The following PUM2 variants were observed in gnomAD, a reference collection of about 807,000 sequenced individuals.
The protein encoded by PUM2 is pumilio RNA binding family member 2.
A neutral mutation model predicts 124.5 loss-of-function variants in PUM2; 57 were observed. The ratio of observed to expected loss-of-function variants is 0.46; its 90% CI spans 0.37 to 0.57. The LOEUF is 0.57. PUM2 is among the 20% of genes least tolerant of loss of function. The probability of loss-of-function intolerance (pLI) is 0.00; values close to 1 mark genes in which losing one functional copy is unlikely to be tolerated. For missense variants in PUM2, 1,065 were observed against 1,290.6 expected, an observed-to-expected ratio of 0.83 and a Z score of 2.68; for synonymous variants, 460 against 446.1, an observed-to-expected ratio of 1.03 and a Z score of -0.39.
At chr2:20,264,559 C>G (rs979825651) in intron 13 of PUM2, among the ~76,000 whole-genome samples, 1 of 150,986 alleles carries the variant, frequency 6.6e-6, no homozygotes, top group Non-Finnish European at 1.5e-5. Context: ...TAAATACATG[C>G]AGGAAATTTT....
intron 9 of PUM2, among the ~76,000 whole-genome samples, chr2:20,293,936 T>C (rs1289557562): frequency 6.6e-6 from 1 of 152,094 alleles, no homozygotes; most frequent in Non-Finnish European, 1.5e-5. Flanking sequence ...AAATTAAAGC[T>C]AACCTTTAGT....
chr2:20,287,255 A>T (rs1384527937), intron 10 of PUM2, among the ~76,000 whole-genome samples: 1 of 152,178 alleles, frequency 6.6e-6, no homozygotes, highest in African/African-American at 2.4e-5. Flanking sequence ...TAAACCACAA[A>T]TAGCTAAATG....
At chr2:20,263,114 A>C in intron 14 of PUM2, 79 bp downstream of exon 14, 1 of 1,398,372 alleles carries the variant, frequency 7.2e-7, no homozygotes, top group South Asian at 1.4e-5. Flanking sequence ...ATGCAGACTA[A>C]AGTCCAGAAA....
intron 9 of PUM2, 67 bp downstream of exon 9, chr2:20,294,309 C>A: frequency 6.4e-7 from 1 of 1,555,900 alleles, no homozygotes; most frequent in South Asian, 1.2e-5. Context: ...AAACACAAAT[C>A]TTAAACATTA....
rs538617563 is a variant in PUM2 at position 20,249,127 on chromosome 2, G to C, written c.*2458C>G. The C allele has an allele frequency of 6.6e-6, 1 of 152,174 alleles. No homozygotes were observed. The highest frequency in any genetic ancestry group is 1.5e-5 in the Non-Finnish European group (1 of 68,052). The allele number at this position is 152,174 out of a possible 1,614,324, so 9.4% of individuals were successfully genotyped here. On this transcript the variant is annotated 3_prime_UTR_variant, in exon 21 of 21. Coordinates refer to ENST00000361078, the MANE Select transcript of PUM2 (RefSeq NM_015317.5). ...AATGAGTATCAGGACCCCAAGAAGA[G>C]GGTTTAGTTTCTCAATGTAGTATTC...
intron 13 of PUM2, among the ~76,000 whole-genome samples, chr2:20,274,974 A>AAAAAAAAAAAAAAAAAT (rs70939032): frequency 6.8e-6 from 1 of 147,934 alleles, no homozygotes; most frequent in Non-Finnish European, 1.5e-5. Context: ...AAAAAAAAAA[A>AAAAAAAAAAAAAAAAAT]GATGCTTACT....
At chr2:20,315,332 T>C (rs144323074) in intron 3 of PUM2, among the ~76,000 whole-genome samples, 137 of 152,278 alleles carry the variant, frequency 9.0e-4, no homozygotes, top group African/African-American at 3.3e-3. Flanking sequence ...GTAATGTGGT[T>C]CTGCTGAGAG....
At chr2:20,336,189 TTTTG>T (rs1003511804) in intron 1 of PUM2, among the ~76,000 whole-genome samples, 8 of 141,560 alleles carry the variant, frequency 5.7e-5, no homozygotes, top group Non-Finnish European at 1.2e-4. Context: ...TTTTTTGTTT[TTTTG>T]TTTGTTTTTT....
At chr2:20,334,980 C>T (rs1047256733) in intron 1 of PUM2, among the ~76,000 whole-genome samples, 7 of 152,144 alleles carry the variant, frequency 4.6e-5, no homozygotes, top group African/African-American at 1.7e-4. Flanking sequence ...CAAGGTCTCA[C>T]TCTATCACCG....
Position 20,283,472 on chromosome 2 carries a change from C to T in PUM2, c.1306G>A (p.Ala436Thr). The change falls in exon 11 of 21, where the codon GCT becomes ACT. Residue 436 changes from alanine to threonine, a missense_variant. Ala to Thr is a moderately conservative substitution (Grantham distance 58, BLOSUM62 0). Transcript: ENST00000361078. ...ATGMPGYQVL[A>T]PTAYYDQTGA... ...GTCTGATCATAATAGGCAGTTGGAGCTAGTACTTGATAGCCTAAATAAAAT... is the reference window on the plus strand; with the variant it reads ...GTCTGATCATAATAGGCAGTTGGAGTTAGTACTTGATAGCCTAAATAAAAT... The T allele has an allele frequency of 1.9e-6, 3 of 1,612,566 alleles. No individual in the cohort carries two copies. The highest frequency in any genetic ancestry group is 2.5e-6 in the Non-Finnish European group (3 of 1,179,238).
intron 14 of PUM2, among the ~76,000 whole-genome samples, chr2:20,262,651 AAT>A (rs1369268115): frequency 5.9e-5 from 9 of 152,226 alleles, no homozygotes; most frequent in African/African-American, 2.2e-4. Flanking sequence ...AAAGAGAGAA[AAT>A]ATCTTAAATT....
intron 7 of PUM2, among the ~76,000 whole-genome samples, chr2:20,298,333 G>A (rs1676127142): frequency 6.6e-6 from 1 of 152,180 alleles, no homozygotes; most frequent in Non-Finnish European, 1.5e-5. Flanking sequence ...ATGCTAAGTA[G>A]TTTGGATTTT....
At chr2:20,317,465 C>T (rs1229004235) in intron 3 of PUM2, among the ~76,000 whole-genome samples, 1 of 152,072 alleles carries the variant, frequency 6.6e-6, no homozygotes, top group Non-Finnish European at 1.5e-5. Context: ...AAATCAGTCA[C>T]GATCACCTAG....
At chr2:20,291,460 C>G (rs1674058001) in intron 9 of PUM2, among the ~76,000 whole-genome samples, 1 of 152,214 alleles carries the variant, frequency 6.6e-6, no homozygotes, top group Admixed American at 6.5e-5. Context: ...CGACCGACTG[C>G]ATATTCCTCT....
At chr2:20,259,807 C>T (rs1431003921) in intron 15 of PUM2, among the ~76,000 whole-genome samples, 1 of 152,134 alleles carries the variant, frequency 6.6e-6, no homozygotes, top group African/African-American at 2.4e-5. Context: ...AGTACAATTG[C>T]TGGATTGTGT....
chr2:20,327,237 TAA>T (rs879174062), intron 2 of PUM2, 71 bp downstream of exon 2: 290 of 902,630 alleles, frequency 3.2e-4, no homozygotes, highest in Middle Eastern at 4.6e-4. Flanking sequence ...GGGAGATGGT[TAA>T]AAAAAAAAAA....
At chr2:20,295,081 G>A (rs531667959) in intron 8 of PUM2, among the ~76,000 whole-genome samples, 2 of 152,032 alleles carry the variant, frequency 1.3e-5, no homozygotes, top group African/African-American at 2.4e-5. Context: ...CAAATGAGAC[G>A]TCAGCATTTA....
intron 20 of PUM2, 45 bp downstream of exon 20, chr2:20,253,777 A>C (rs761615237): frequency 2.6e-6 from 4 of 1,524,406 alleles, no homozygotes; most frequent in Non-Finnish European, 2.7e-6. Context: ...TGTGTAGCCT[A>C]AACACAAAGA....
chr2:20,294,624 G>C, intron 8 of PUM2, 106 bp from the exon 9 acceptor site: 1 of 1,265,212 alleles, frequency 7.9e-7, no homozygotes, highest in South Asian at 1.6e-5. Flanking sequence ...AGAAGACTTA[G>C]AGAAGAACAT....
Sources: allele counts gnomAD v4.1 joint callset (sites outside exome capture counted in the v4.1 genomes callset), GRCh38; gene constraint gnomAD v4.1.1; transcripts MANE v1.5; gene names NCBI Gene and HGNC (gene_info 2026-07-23, HGNC 2026-07-21).